Variants in FBXW9 observed in about 807,000 individuals in gnomAD.
FBXW9 encodes F-box and WD repeat domain containing 9.
Under a neutral mutation model 55.8 loss-of-function variants are expected in FBXW9, and 38 were observed. The ratio of observed to expected loss-of-function variants is 0.68; its 90% CI spans 0.53 to 0.89. The LOEUF is 0.89. Ranked by LOEUF, FBXW9 falls within the 40% of genes least tolerant of loss-of-function variation. The pLI, the probability that FBXW9 is intolerant of heterozygous loss-of-function variation, is 0.00. For synonymous variants in FBXW9, 289 were observed against 278.2 expected (o/e 1.04, Z -0.38); for missense variants, 590 against 619.4 (o/e 0.95, Z 0.50).
Position 12,689,689 on chromosome 19 carries a change from C to T in FBXW9, c.1147-59G>A. ...GGCTCTCCCAAGGCCCGCCCTCCCC[C>T]ACACCACCAGGGGCTCGGGTAGGAA... On this transcript the variant is annotated intron_variant, in intron 7 of 9. Coordinates refer to ENST00000393261, the MANE Select transcript of FBXW9 (RefSeq NM_032301.3). The surrounding 1 kb of genome is among the most constrained non-coding windows in gnomAD (Gnocchi z 5.9). 2 of 1,607,684 alleles carry T rather than the reference C, an allele frequency of 1.2e-6. No individual in the cohort carries two copies. Among genetic ancestry groups the T allele is most frequent in the Non-Finnish European group, 1.7e-6 (2 of 1,174,636 alleles).
In FBXW9 at chr19:12,689,402, G is replaced by A. The variant is rs2024970713; in HGVS notation, c.1272C>T (p.Cys424=). 3 of 1,614,196 alleles carry A rather than the reference G, an allele frequency of 1.9e-6. No homozygotes were observed. Among genetic ancestry groups the A allele is most frequent in the Non-Finnish European group, 1.7e-6 (2 of 1,180,042 alleles). Reference sequence around the variant, plus strand: ...TGAGCCCATTGTCATGCCTTCGGGTGCAAATGGTCCTTGGTGGGTCTGTGG... The same window carrying A: ...TGAGCCCATTGTCATGCCTTCGGGTACAAATGGTCCTTGGTGGGTCTGTGG... ...HVPTDPPRTI[C]TRRHDNGLNR... The change falls in exon 9 of 10, where the codon TGC becomes TGT. Residue 424 remains cysteine (C), a synonymous_variant. Coordinates refer to ENST00000393261, the MANE Select transcript of FBXW9 (RefSeq NM_032301.3). This position sits in a 1 kb window ranked among gnomAD's most constrained non-coding sequence, Gnocchi z 5.9.
intron 5 of FBXW9, among the ~76,000 whole-genome samples, chr19:12,690,459 T>TA (rs1340666604): frequency 6.6e-6 from 1 of 152,042 alleles, no homozygotes; most frequent in Non-Finnish European, 1.5e-5. Context: ...CTGGACAAGG[T>TA]ACACTGGCCC....
intron 3 of FBXW9, among the ~76,000 whole-genome samples, chr19:12,693,121 C>A (rs936138282): frequency 6.6e-6 from 1 of 152,028 alleles, no homozygotes; most frequent in African/African-American, 2.4e-5. Flanking sequence ...GTTTCTCACT[C>A]AAGGTCACAC....
At chr19:12,691,581 C>G in intron 3 of FBXW9, 127 bp from the exon 4 acceptor site, 1 of 709,132 alleles carries the variant, frequency 1.4e-6, no homozygotes, top group Non-Finnish European at 2.4e-6. Flanking sequence ...ATAGCTCTTC[C>G]TCCCCAGTGC....
chr19:12,696,475 C>T lies in FBXW9; in HGVS notation c.107G>A (p.Arg36His), dbSNP rs753136581. The T allele has an allele frequency of 5.0e-6, 8 of 1,612,726 alleles. No homozygotes were observed. Among genetic ancestry groups the T allele is most frequent in the Non-Finnish European group, 6.8e-6 (8 of 1,179,918 alleles). The change falls in exon 1 of 10, where the codon CGC becomes CAC. Residue 36 changes from arginine to histidine, a missense_variant. By Grantham distance (29) the Arg-to-His change is conservative. Coordinates refer to ENST00000393261, the MANE Select transcript of FBXW9 (RefSeq NM_032301.3). ...CCCGGATTTTGGCGGACTGAGAACG[C>T]GGGCCACGTAGGCCTTGGCCTGCGC... ...PDAQAKAYVARVLSPPKSGLA... is the reference protein window; with the variant it reads ...PDAQAKAYVAHVLSPPKSGLA...
intron 3 of FBXW9, among the ~76,000 whole-genome samples, chr19:12,693,871 A>C (rs897678020): frequency 3.3e-5 from 5 of 149,944 alleles, no homozygotes; most frequent in Admixed American, 2.0e-4. Context: ...AGCCTGGGTG[A>C]CAGAGGGAGA....
rs776277398 is a variant in FBXW9, at chr19:12,696,367, G to C, written c.215C>G (p.Ser72Trp). Reference protein sequence around the residue: ...ASEPRAASRVSAVSEPGLLSL... With the variant: ...ASEPRAASRVWAVSEPGLLSL... ...CAGAAGGCCCGGCTCACTTACGGCCGAAACCCTGGACGCGGCCCGAGGCTC... is the reference window on the plus strand; with the variant it reads ...CAGAAGGCCCGGCTCACTTACGGCCCAAACCCTGGACGCGGCCCGAGGCTC... The change falls in exon 1 of 10, where the codon TCG becomes TGG. Residue 72 changes from serine (S) to tryptophan (W), a missense_variant. Ser to Trp is a radical substitution (Grantham distance 177). Transcript: ENST00000393261. 1 of 1,608,578 alleles carries C rather than the reference G, an allele frequency of 6.2e-7. No homozygotes were observed. The highest frequency in any genetic ancestry group is 8.5e-7 in the Non-Finnish European group (1 of 1,178,270).
chr19:12,696,537 G>A lies in FBXW9; in HGVS notation c.45C>T (p.Asp15=), dbSNP rs1386006204. The stretch of plus-strand genomic sequence containing the variant: ...TCTCTGACTCTGGGTCCGAGTCATC[G>A]TCCCAGGTGCGGGAATCATCGCACC... ...LGRCDDSRTW[D]DDSDPESETD... Residue 15 remains aspartate, a synonymous_variant, in exon 1 of 10, where the codon GAC becomes GAT. Transcript: ENST00000393261. The A allele has an allele frequency of 2.5e-6, 4 of 1,612,282 alleles. No homozygotes were observed. Among genetic ancestry groups the A allele is most frequent in the South Asian group, 2.2e-5 (2 of 91,074 alleles).
At position 12,696,624 on chromosome 19, in the gene FBXW9, G is replaced by C. The variant is rs1251798591; in HGVS notation, c.-43C>G. 1 of 1,585,138 alleles carries C rather than the reference G, an allele frequency of 6.3e-7. No individual in the cohort carries two copies. The highest frequency in any genetic ancestry group is 1.4e-5 in the African/African-American group (1 of 73,876). The stretch of plus-strand genomic sequence containing the variant: ...TGCCGGCCTCGCGTCTTGTCTCCTA[G>C]GCAGCACGAGGGCACTTCCGGCGCT... On this transcript the variant is annotated 5_prime_UTR_variant, in exon 1 of 10. Coordinates refer to ENST00000393261, the MANE Select transcript of FBXW9 (RefSeq NM_032301.3).
intron 1 of FBXW9, 119 bp from the exon 2 acceptor site, chr19:12,695,057 C>A (rs2025057400): frequency 2.5e-6 from 3 of 1,197,950 alleles, no homozygotes; most frequent in Non-Finnish European, 3.4e-6. Context: ...GACAGAACCC[C>A]ATGGAGATCC....
At chr19:12,693,592 ACACACACACACAC>A (rs1289733928) in intron 3 of FBXW9, among the ~76,000 whole-genome samples, 13 of 122,828 alleles carry the variant, frequency 1.1e-4, no homozygotes, top group African/African-American at 5.3e-4. Context: ...ACACACACAC[ACACACACACACAC>A]ACAAAAGAAA....
rs1314329518 is a variant in FBXW9 at position 12,689,269 on chromosome 19, C to T, written c.1324G>A (p.Val442Met). The change falls in exon 10 of 10, where the codon GTG becomes ATG. Residue 442 changes from valine to methionine, a missense_variant. Transcript: ENST00000393261. This position sits in a 1 kb window ranked among gnomAD's most constrained non-coding sequence, Gnocchi z 5.9. Reference protein sequence around the residue: ...LNRVCAEGNLVVAGSGDLSLE... With the variant: ...LNRVCAEGNLMVAGSGDLSLE... ...GACAGGTCTCCAGAGCCGGCCACCA[C>T]CAGGTTGCCCTCAGCACAGACCTGG... 5 of 1,614,146 alleles carry T rather than the reference C, an allele frequency of 3.1e-6. No homozygotes were observed. The highest frequency in any genetic ancestry group is 2.7e-5 in the African/African-American group (2 of 74,954).
chr19:12,691,257 C>T lies in FBXW9; in HGVS notation c.792G>A (p.Lys264=), dbSNP rs2025003587. The T allele has an allele frequency of 6.2e-7, 1 of 1,614,146 alleles. No individual in the cohort carries two copies. The highest frequency in any genetic ancestry group is 1.1e-5 in the South Asian group (1 of 91,082). The change falls in exon 5 of 10, where the codon AAG becomes AAA. Residue 264 remains lysine (K), a splice_region_variant and synonymous_variant. Transcript: ENST00000393261. ...AGAGGCACAGCACGGCTGAGCTGGCCCTAGGGACACACAGACCACAGGGCT... is the reference window on the plus strand; with the variant it reads ...AGAGGCACAGCACGGCTGAGCTGGCTCTAGGGACACACAGACCACAGGGCT... ...AADGQQFGEI[K]ASSAVLCLSY...
intron 3 of FBXW9, among the ~76,000 whole-genome samples, chr19:12,691,993 T>C (rs1004504834): frequency 6.6e-6 from 1 of 152,008 alleles, no homozygotes; most frequent in Non-Finnish European, 1.5e-5. Flanking sequence ...TGACCTTAGG[T>C]GATCCGCCCG....
Position 12,691,229 on chromosome 19 carries a change from A to G in FBXW9, c.820T>C (p.Tyr274His). ...CCAGTCACCAGGATGTCAGGCAGGT[A>G]GGAGAGGCACAGCACGGCTGAGCTG... ...KASSAVLCLS[Y>H]LPDILVTGTY... The change falls in exon 5 of 10, where the codon TAC becomes CAC. Residue 274 changes from tyrosine to histidine, a missense_variant. Coordinates refer to ENST00000393261, the MANE Select transcript of FBXW9 (RefSeq NM_032301.3). 6.2e-7 allele frequency: 1 copy of G among 1,614,216 alleles called. No individual in the cohort carries two copies. The highest frequency in any genetic ancestry group is 8.5e-7 in the Non-Finnish European group (1 of 1,180,022).
At position 12,696,368 on chromosome 19, in the gene FBXW9, A is replaced by G; in HGVS notation, c.214T>C (p.Ser72Pro). The G allele has an allele frequency of 6.2e-7, 1 of 1,609,332 alleles. No individual in the cohort carries two copies. Among genetic ancestry groups the G allele is most frequent in the Non-Finnish European group, 8.5e-7 (1 of 1,178,526 alleles). ...ASEPRAASRV[S>P]AVSEPGLLSL... is the part of the protein sequence containing the mutation. ...AGAAGGCCCGGCTCACTTACGGCCGAAACCCTGGACGCGGCCCGAGGCTCC... is the reference window on the plus strand; with the variant it reads ...AGAAGGCCCGGCTCACTTACGGCCGGAACCCTGGACGCGGCCCGAGGCTCC... Residue 72 changes from serine (S) to proline (P), a missense_variant, in exon 1 of 10, where the codon TCG (serine) becomes CCG (proline). Physicochemically the swap from Ser to Pro is moderately conservative, Grantham distance 74. Transcript: ENST00000393261.
At chr19:12,690,568 G>A (rs1164092304) in intron 5 of FBXW9, among the ~76,000 whole-genome samples, 1 of 152,108 alleles carries the variant, frequency 6.6e-6, no homozygotes, top group African/African-American at 2.4e-5. Context: ...GATCATCCGA[G>A]CCCAGGAGTT....
chr19:12,693,532 ATATAT>A (rs2025033985), intron 3 of FBXW9, among the ~76,000 whole-genome samples: 9 of 10,660 alleles, frequency 8.4e-4, no homozygotes, highest in South Asian at 9.1e-3. Flanking sequence ...AAAAAAAAAT[ATATAT>A]ATATATATAT....
Position 12,689,517 on chromosome 19 carries a change from G to C in FBXW9, c.1236+24C>G. On this transcript the variant is annotated intron_variant, in intron 8 of 9. Transcript: ENST00000393261. This position sits in a 1 kb window ranked among gnomAD's most constrained non-coding sequence, Gnocchi z 5.9. The stretch of plus-strand genomic sequence containing the variant: ...GGGGAGAGGCAGGGACTGTCCTGGG[G>C]TGGGGGCTGGGCAGGAGCCTCACCC... 1 of 1,613,716 alleles carries C rather than the reference G, an allele frequency of 6.2e-7. No individual in the cohort carries two copies. Among genetic ancestry groups the C allele is most frequent in the South Asian group, 1.1e-5 (1 of 91,084 alleles).
Sources: gnomAD v4.1 joint callset for allele counts (sites outside exome capture counted in the v4.1 genomes callset) on GRCh38, gnomAD v4.1.1 for gene constraint, Gnocchi (gnomAD v3.1) non-coding constraint, MANE v1.5 for transcripts, NCBI Gene and HGNC (gene_info 2026-07-23, HGNC 2026-07-21) for gene names.